APEH: variants seen among roughly 807,000 people sequenced by gnomAD.
APEH encodes acylaminoacyl-peptide hydrolase.
Under a neutral mutation model 102.7 loss-of-function variants are expected in APEH, and 75 were observed. The observed-to-expected ratio is 0.73, with a 90% CI of 0.61 to 0.89. APEH has a LOEUF of 0.89. Ranked by LOEUF, APEH falls within the 40% of genes least tolerant of loss-of-function variation. The pLI is 0.00. For missense variants in APEH, 863 were observed against 941.2 expected (o/e 0.92, Z 1.09); for synonymous variants, 344 against 362.7 (o/e 0.95, Z 0.59).
At chr3:49,681,310 G>A in intron 15 of APEH, 71 bp downstream of exon 15, 3 of 1,428,684 alleles carry the variant, frequency 2.1e-6, no homozygotes, top group Non-Finnish European at 2.8e-6. Flanking sequence ...GGTGACCTTT[G>A]CTACCTCCTC....
upstream of APEH, among the ~76,000 whole-genome samples, chr3:49,673,404 C>T (rs918936739): frequency 1.3e-5 from 2 of 152,084 alleles, no homozygotes; most frequent in African/African-American, 4.8e-5. Context: ...GGAGTCTGAG[C>T]CCACCAGGCC....
At chr3:49,674,271 A>G, upstream of APEH, 2 of 1,228,210 alleles carry the variant, frequency 1.6e-6, no homozygotes, top group Non-Finnish European at 2.2e-6. Context: ...CATTAGCCGA[A>G]GGCCCCGCCC....
intron 14 of APEH, 119 bp downstream of exon 14, chr3:49,680,748 C>A: frequency 3.3e-6 from 3 of 910,456 alleles, no homozygotes; most frequent in Non-Finnish European, 5.2e-6. Context: ...CGGGCCAAGA[C>A]ACAGGCCCAG....
At chr3:49,677,697 G>A (rs1478500992) in intron 11 of APEH, 64 bp downstream of exon 11, 5 of 1,455,896 alleles carry the variant, frequency 3.4e-6, no homozygotes, top group Non-Finnish European at 2.9e-6. Flanking sequence ...GCCGTCTGTT[G>A]CATCCCTGCC....
intron 1 of APEH, 32 bp downstream of exon 1, chr3:49,674,445 C>G: frequency 6.4e-7 from 1 of 1,573,104 alleles, no homozygotes. Context: ...CCCGTGGTCC[C>G]TGCAGCCCGG....
chr3:49,675,378 T>C lies in APEH; in HGVS notation c.272+69T>C. 6 of 1,586,792 alleles carry C rather than the reference T, an allele frequency of 3.8e-6. No homozygotes were observed. The South Asian group carries it at 6.8e-5, about 18-fold the overall frequency. ...CGCAATGCAAGCCTTTTATGAATGC[T>C]CACCATGTGCCTAGAAGGGAGGCCA... On this transcript the variant is annotated intron_variant, in intron 3 of 21. Transcript: ENST00000296456.
At chr3:49,675,504 A>C (rs2052988185) in intron 3 of APEH, 190 bp from the exon 4 acceptor site, 1 of 995,916 alleles carries the variant, frequency 1.0e-6, no homozygotes, top group Admixed American at 2.4e-5. Context: ...ACTAGAGCCC[A>C]TGGTGGCCTG....
At position 49,674,424 on chromosome 3, in the gene APEH, G is replaced by C. The variant is rs1213669356; in HGVS notation, c.12+11G>C. ...ACTATGGAACGTCAGGTGAGGGCTCGGCCCGCGGTCCCCGTGGTCCCTGCA... is the reference window on the plus strand; with the variant it reads ...ACTATGGAACGTCAGGTGAGGGCTCCGCCCGCGGTCCCCGTGGTCCCTGCA... On this transcript the variant is annotated intron_variant, in intron 1 of 21. Coordinates refer to ENST00000296456, the MANE Select transcript of APEH (RefSeq NM_001640.4). 2 of 1,572,688 alleles carry C rather than the reference G, an allele frequency of 1.3e-6. No homozygotes were observed. Among genetic ancestry groups the C allele is most frequent in the Admixed American group, 3.6e-5 (2 of 56,160 alleles).
At chr3:49,674,258 A>G (rs1459745680), upstream of APEH, 2 of 1,084,882 alleles carry the variant, frequency 1.8e-6, no homozygotes, top group East Asian at 2.7e-5. Context: ...AACGGTCCTC[A>G]CCCATTAGCC....
rs58898515 is a variant in APEH at position 49,678,186 on chromosome 3, A to G, written c.1060+553A>G. Among the ~76,000 whole-genome samples the G allele has an allele frequency of 4.7e-3, 719 of 152,286 alleles. 5 individuals carry two copies. Among genetic ancestry groups the G allele is most frequent in the African/African-American group, 0.017 (687 of 41,560 alleles). On this transcript the variant is annotated intron_variant, in intron 11 of 21. Coordinates refer to ENST00000296456, the MANE Select transcript of APEH (RefSeq NM_001640.4). ...GCTTGGATCCTCCTGGACCATCTCA[A>G]GGATGAGTCTCTTGTTTTCTCAGGC... is the stretch of plus-strand genomic sequence containing the variant.
At chr3:49,674,652 C>T in intron 2 of APEH, 31 bp downstream of exon 2, 1 of 1,582,296 alleles carries the variant, frequency 6.3e-7, no homozygotes, top group South Asian at 1.1e-5. Context: ...TGGCTGGCGA[C>T]GGGGTCGCGC....
At chr3:49,674,163 C>T (rs2052899173), upstream of APEH, 3 of 562,586 alleles carry the variant, frequency 5.3e-6, no homozygotes, top group South Asian at 6.8e-5. Context: ...GGCTAGTCCG[C>T]CCCTGGCGAG....
Position 49,676,679 on chromosome 3 carries a change from T to TCCGCTTTTGCAC in APEH, c.817_828dup (p.Arg273_Thr276dup). The TCCGCTTTTGCAC allele has an allele frequency of 6.2e-7, 1 of 1,614,256 alleles. No individual in the cohort carries two copies. The highest frequency in any genetic ancestry group is 1.7e-5 in the Admixed American group (1 of 60,034). On this transcript the variant is annotated inframe_insertion, in exon 8 of 22. Coordinates refer to ENST00000296456, the MANE Select transcript of APEH (RefSeq NM_001640.4). ...TGGCATGAGCCCTTCCGGTTGGGCA[T>TCCGCTTTTGCAC]CCGCTTTTGCACCAATCGCAGGTGA...
intron 19 of APEH, 49 bp from the exon 20 acceptor site, chr3:49,682,794 C>A: frequency 5.0e-6 from 8 of 1,613,198 alleles, no homozygotes; most frequent in Non-Finnish European, 6.8e-6. Context: ...TCTCATGGAG[C>A]CCCGTAGCCC....
chr3:49,679,601 T>G lies in APEH; in HGVS notation c.1167T>G (p.Phe389Leu). 6.2e-7 allele frequency: 1 copy of G among 1,613,908 alleles called. No individual in the cohort carries two copies. The highest frequency in any genetic ancestry group is 8.5e-7 in the Non-Finnish European group (1 of 1,179,858). ...CCTTGCCTCTGCTTCAGGACCTGTT[T>G]GCTGTGGACACCCAAGTGGGCACTG... ...DSAQRSRQDL[F>L]AVDTQVGTVT... is the part of the protein sequence containing the mutation. The change falls in exon 13 of 22, where the codon TTT (phenylalanine) becomes TTG (leucine). Residue 389 changes from phenylalanine (F) to leucine (L), a missense_variant. Physicochemically the swap from Phe to Leu is conservative, Grantham distance 22. Transcript: ENST00000296456. The surrounding 1 kb of genome is among the most constrained non-coding windows in gnomAD (Gnocchi z 4.3).
Position 49,676,921 on chromosome 3 carries a change from C to T in APEH, c.896C>T (p.Ser299Phe). The change falls in exon 10 of 22, where the codon TCC becomes TTC. Residue 299 changes from serine to phenylalanine, a missense_variant. Physicochemically the swap from Ser to Phe is radical, Grantham distance 155 (BLOSUM62 -2). Coordinates refer to ENST00000296456, the MANE Select transcript of APEH (RefSeq NM_001640.4). ...GGKCELLSDD[S>F]LAVSSPRLSP... is the part of the protein sequence containing the mutation. ...GGCCCAGAGCTCCTCTCGGATGACT[C>T]CCTGGCTGTCTCTTCTCCCCGGCTG... 1 of 1,614,202 alleles carries T rather than the reference C, an allele frequency of 6.2e-7. No individual in the cohort carries two copies. The highest frequency in any genetic ancestry group is 2.2e-5 in the East Asian group (1 of 44,886).
chr3:49,680,405 G>T, intron 13 of APEH, 136 bp from the exon 14 acceptor site: 3 of 715,756 alleles, frequency 4.2e-6, no homozygotes, highest in Admixed American at 4.4e-5. Context: ...GTGCAGTTGG[G>T]TGTTTGTGAA....
At chr3:49,680,086 T>A (rs919031152) in intron 13 of APEH, 1 of 239,976 alleles carries the variant, frequency 4.2e-6, no homozygotes, top group African/African-American at 2.2e-5. Context: ...GCCTGGTGAT[T>A]CTGCCTTTGA....
Position 49,676,803 on chromosome 3 carries a change from T to G in APEH, c.863T>G (p.Ile288Ser). 1 of 1,614,248 alleles carries G rather than the reference T, an allele frequency of 6.2e-7. No homozygotes were observed. The highest frequency in any genetic ancestry group is 8.5e-7 in the Non-Finnish European group (1 of 1,180,036). Residue 288 changes from isoleucine (I) to serine (S), a missense_variant, in exon 9 of 22, where the codon ATC becomes AGC. Physicochemically the swap from Ile to Ser is moderately radical, Grantham distance 142. Coordinates refer to ENST00000296456, the MANE Select transcript of APEH (RefSeq NM_001640.4). ...RRSALYYVDL[I>S]GGKCELLSDD... ...TCAGCCCTGTATTATGTGGACCTCA[T>G]CGGGGGGAAGTGTGGTAAGTGGCTG...
Sources: gnomAD v4.1 joint callset for allele counts (sites outside exome capture counted in the v4.1 genomes callset) on GRCh38, gnomAD v4.1.1 for gene constraint, Gnocchi (gnomAD v3.1) non-coding constraint, MANE v1.5 for transcripts, NCBI Gene and HGNC (gene_info 2026-07-23, HGNC 2026-07-21) for gene names.